Variants in USP2 observed in about 807,000 individuals in gnomAD.
USP2 encodes the protein ubiquitin carboxyl-terminal hydrolase 2.
USP2 carries 33 observed loss-of-function variants against 72.0 expected under a neutral mutation model. That is an observed-to-expected ratio of 0.46 (90% CI 0.35 to 0.61). The LOEUF (loss-of-function observed/expected upper bound fraction) is 0.61. Among genes scored for constraint, USP2 ranks in the 20% least tolerant of loss-of-function variants. The probability of loss-of-function intolerance (pLI) is 0.01; values close to 1 mark genes in which losing one functional copy is unlikely to be tolerated. For synonymous variants in USP2, 296 were observed against 312.5 expected (o/e 0.95, Z 0.56); for missense variants, 691 against 797.8 (o/e 0.87, Z 1.61).
chr11:119,360,475 G>A (rs896784368), intron 2 of USP2: 1 of 570,394 alleles, frequency 1.8e-6, no homozygotes, highest in Non-Finnish European at 3.2e-6. Flanking sequence ...CCAGGCTGGA[G>A]TGCAGTGGTA....
At chr11:119,372,490 G>A (rs1205365016) in intron 2 of USP2, among the ~76,000 whole-genome samples, 4 of 152,210 alleles carry the variant, frequency 2.6e-5, no homozygotes, top group African/African-American at 7.2e-5. Flanking sequence ...TCGAGTGCGC[G>A]GGCCCTGAGT....
intron 2 of USP2, 38 bp from the exon 3 acceptor site, chr11:119,360,272 A>G: frequency 6.2e-7 from 1 of 1,609,448 alleles, no homozygotes; most frequent in Non-Finnish European, 8.5e-7. Context: ...GGTGGAAGCA[A>G]AGATGCTAGG....
intron 1 of USP2, chr11:119,380,864 C>T (rs747772814): frequency 3.3e-4 from 52 of 155,562 alleles, no homozygotes; most frequent in Non-Finnish European, 5.3e-4. Flanking sequence ...CCAGCTCAGT[C>T]CCATTCTAAA....
chr11:119,364,127 C>G, intron 2 of USP2: 1 of 1,221,788 alleles, frequency 8.2e-7, no homozygotes, highest in Non-Finnish European at 1.0e-6. Context: ...TCCGCGGCGC[C>G]CGAACGCGCG....
chr11:119,359,082 C>G lies in USP2; in HGVS notation c.1114G>C (p.Glu372Gln), dbSNP rs541673705. The G allele has an allele frequency of 6.2e-7, 1 of 1,614,074 alleles. No individual in the cohort carries two copies. The highest frequency in any genetic ancestry group is 1.7e-5 in the Admixed American group (1 of 60,014). Residue 372 changes from glutamate to glutamine, a missense_variant, in exon 6 of 13, where the codon GAG becomes CAG. Coordinates refer to ENST00000260187, the MANE Select transcript of USP2 (RefSeq NM_004205.5). ...LRFLLDGLHN[E>Q]VNRVTLRPKS... ...GGTCTCAGTGTCACTCGGTTCACCT[C>G]GTTATGGAGCCCATCCAGAAGAAAG...
Position 119,373,227 on chromosome 11 carries a change from A to T in USP2, c.254T>A (p.Ile85Asn), listed in dbSNP as rs1291036079. 1 of 1,613,876 alleles carries T rather than the reference A, an allele frequency of 6.2e-7. No homozygotes were observed. The highest frequency in any genetic ancestry group is 8.5e-7 in the Non-Finnish European group (1 of 1,179,950). ...DRGRPLLRPD[I>N]TGGGKRAESQ... Reference sequence around the variant, plus strand: ...CTCTGCCCGCTTACCACCCCCAGTGATGTCGGGTCTCAGCAGGGGGCGGCC... The same window carrying T: ...CTCTGCCCGCTTACCACCCCCAGTGTTGTCGGGTCTCAGCAGGGGGCGGCC... Residue 85 changes from isoleucine (I) to asparagine (N), a missense_variant, in exon 2 of 13, where the codon ATC (isoleucine) becomes AAC (asparagine). By Grantham distance (149) the Ile-to-Asn change is moderately radical. Transcript: ENST00000260187.
rs1950662492 is a variant in USP2, at chr11:119,356,851, G to A, written c.1802C>T (p.Pro601Leu). ...CTCCTGGCGCTACATTCGGGAGGGCGGGCTGGCCAGTTCGTAGAAGAGCAG... is the reference window on the plus strand; with the variant it reads ...CTCCTGGCGCTACATTCGGGAGGGCAGGCTGGCCAGTTCGTAGAAGAGCAG... ...AYLLFYELAS[P>L]PSRM Residue 601 changes from proline to leucine, a missense_variant, in exon 13 of 13, where the codon CCG becomes CTG. By Grantham distance (98) the Pro-to-Leu change is moderately conservative (BLOSUM62 -3). Transcript: ENST00000260187. 1.9e-6 allele frequency: 3 copies of A among 1,565,072 alleles called. No homozygotes were observed. Among genetic ancestry groups the A allele is most frequent in the Non-Finnish European group, 2.6e-6 (3 of 1,155,084 alleles).
intron 2 of USP2, among the ~76,000 whole-genome samples, chr11:119,369,318 T>C (rs1950897015): frequency 6.6e-6 from 1 of 150,638 alleles, no homozygotes; most frequent in Admixed American, 6.6e-5. Flanking sequence ...AGCTCTGTGC[T>C]CATGCTCAGC....
chr11:119,356,991 T>C, intron 12 of USP2, 69 bp from the exon 13 acceptor site: 3 of 1,526,158 alleles, frequency 2.0e-6, no homozygotes, highest in Non-Finnish European at 1.8e-6. Flanking sequence ...CTTCTTTCTG[T>C]GCCCCCGAGG....
chr11:119,360,110 G>T, intron 3 of USP2, 74 bp downstream of exon 3: 1 of 1,546,984 alleles, frequency 6.5e-7, no homozygotes, highest in South Asian at 1.2e-5. Context: ...ACCAGAAGGG[G>T]ACTCTGGTTA....
chr11:119,356,912 T>G lies in USP2; in HGVS notation c.1741A>C (p.Met581Leu). ...HTFNDSSVTP[M>L]SSSQVRTSDA... Reference sequence around the variant, plus strand: ...CTGGTGCGCACTTGGCTGGAGGACATGGGAGTGACGCTGCGGAGAGAGCGG... The same window carrying G: ...CTGGTGCGCACTTGGCTGGAGGACAGGGGAGTGACGCTGCGGAGAGAGCGG... The change falls in exon 13 of 13, where the codon ATG (methionine) becomes CTG (leucine). Residue 581 changes from methionine to leucine, a missense_variant. Physicochemically the swap from Met to Leu is conservative, Grantham distance 15. Coordinates refer to ENST00000260187, the MANE Select transcript of USP2 (RefSeq NM_004205.5). 3.2e-6 allele frequency: 5 copies of G among 1,560,246 alleles called. No individual in the cohort carries two copies. Among genetic ancestry groups the G allele is most frequent in the Non-Finnish European group, 4.3e-6 (5 of 1,152,702 alleles).
rs948715654 is a variant in USP2 at position 119,379,137 on chromosome 11, G to C, written c.-42+2336C>G. The stretch of plus-strand genomic sequence containing the variant: ...ATCCGGAGCTCAGGTTACTGACTCC[G>C]ATATATATAGTATCTTATCTGACCT... On this transcript the variant is annotated intron_variant, in intron 1 of 12. Transcript: ENST00000260187. The C allele has an allele frequency of 1.0e-5, 10 of 985,468 alleles. No homozygotes were observed. The East Asian group carries it at 1.0e-3, about 101-fold the overall frequency. The allele number at this position is 985,468 out of a possible 1,614,324, so 61.0% of individuals were successfully genotyped here.
intron 1 of USP2, among the ~76,000 whole-genome samples, chr11:119,375,756 C>A (rs1451981110): frequency 3.9e-5 from 6 of 152,226 alleles, no homozygotes; most frequent in African/African-American, 1.4e-4. Flanking sequence ...CCTCTCCCTC[C>A]CCCACAGTAA....
At position 119,361,973 on chromosome 11, in the gene USP2, A is replaced by G. The variant is rs77833920; in HGVS notation, c.775-1739T>C. ...TTTCCAGAATTGGTGAAACGCTGCA[A>G]AAGTCTCCATGTTGCGCACTCGGAA... On this transcript the variant is annotated intron_variant, in intron 2 of 12. Coordinates refer to ENST00000260187, the MANE Select transcript of USP2 (RefSeq NM_004205.5). 3.8e-3 allele frequency among the ~76,000 whole-genome samples: 577 copies of G among 152,348 alleles called. 3 individuals carry two copies. The highest frequency in any genetic ancestry group is 0.013 in the African/African-American group (538 of 41,572).
At chr11:119,367,651 C>T (rs1349812022) in intron 2 of USP2, among the ~76,000 whole-genome samples, 1 of 152,178 alleles carries the variant, frequency 6.6e-6, no homozygotes, top group Non-Finnish European at 1.5e-5. Flanking sequence ...GACGTGGACC[C>T]CAAGAGGCCA....
intron 2 of USP2, among the ~76,000 whole-genome samples, chr11:119,367,776 C>T (rs990707954): frequency 1.3e-5 from 2 of 152,200 alleles, no homozygotes; most frequent in East Asian, 1.9e-4. Context: ...GTTTTATGTA[C>T]GTATTGAGGT....
At position 119,372,801 on chromosome 11, in the gene USP2, G is replaced by A; in HGVS notation, c.680C>T (p.Thr227Ile). 1.2e-6 allele frequency: 2 copies of A among 1,604,464 alleles called. No homozygotes were observed. The highest frequency in any genetic ancestry group is 1.7e-4 in the Middle Eastern group (1 of 5,986). The change falls in exon 2 of 13, where the codon ACC becomes ATC. Residue 227 changes from threonine to isoleucine, a missense_variant. Coordinates refer to ENST00000260187, the MANE Select transcript of USP2 (RefSeq NM_004205.5). ...PSRVPEIISP[T>I]YRPIGRYTLW... ...CGTGTAGCGGCCAATGGGTCGGTAG[G>A]TTGGGCTGATGATTTCAGGGACTCG...
intron 1 of USP2, among the ~76,000 whole-genome samples, chr11:119,379,486 T>C (rs1412685311): frequency 6.6e-6 from 1 of 152,128 alleles, no homozygotes; most frequent in East Asian, 1.9e-4. Context: ...AATTTTGAGA[T>C]AGAGTAGACC....
intron 2 of USP2, among the ~76,000 whole-genome samples, chr11:119,369,713 CT>C (rs1197895887): frequency 6.6e-6 from 1 of 152,126 alleles, no homozygotes; most frequent in African/African-American, 2.4e-5. Flanking sequence ...TGATTGTTCC[CT>C]TTTATAGTCT....
Sources: gnomAD v4.1 joint callset for allele counts (sites outside exome capture counted in the v4.1 genomes callset) on GRCh38, gnomAD v4.1.1 for gene constraint, MANE v1.5 for transcripts, NCBI Gene and HGNC (gene_info 2026-07-23, HGNC 2026-07-21) for gene names.